Variants in RAB38 observed in about 807,000 individuals in gnomAD.
RAB38 encodes the protein ras-related protein Rab-38.
RAB38 carries 15 observed loss-of-function variants against 18.4 expected under a neutral mutation model. The observed-to-expected ratio is 0.82, with a 90% confidence interval of 0.55 to 1.26. RAB38 has a LOEUF of 1.26. RAB38 is among the 50% of genes most tolerant of loss of function. RAB38 has a pLI of 0.00. For missense variants in RAB38, 294 were observed against 267.4 expected (o/e 1.10, Z -0.69); for synonymous variants, 101 against 104.4 (o/e 0.97, Z 0.20).
chr11:87,872,877 C>T, the RAB38 span, among the ~76,000 whole-genome samples: 1 of 151,560 alleles, frequency 6.6e-6, no homozygotes, highest in Non-Finnish European at 1.5e-5. Context: ...GTATTGTTTA[C>T]TTCCAAGTTT....
At chr11:88,027,862 T>C in the RAB38 span, among the ~76,000 whole-genome samples, 2 of 151,950 alleles carry the variant, frequency 1.3e-5, no homozygotes, top group African/African-American at 2.4e-5. Flanking sequence ...TCTGACAGCT[T>C]TGAAGAGAGC....
the RAB38 span, among the ~76,000 whole-genome samples, chr11:87,830,609 A>G: frequency 6.6e-6 from 1 of 152,128 alleles, no homozygotes; most frequent in African/African-American, 2.4e-5. Context: ...AATGAAGTAA[A>G]CTATTATAAC....
intron 2 of RAB38, among the ~76,000 whole-genome samples, chr11:88,135,763 C>G (rs748159653): frequency 2.6e-5 from 4 of 152,154 alleles, no homozygotes; most frequent in Non-Finnish European, 4.4e-5. Context: ...CCATAACGAG[C>G]CTTTTGCGAT....
At chr11:88,043,378 G>A in the RAB38 span, among the ~76,000 whole-genome samples, 1 of 152,152 alleles carries the variant, frequency 6.6e-6, no homozygotes, top group South Asian at 2.1e-4. Flanking sequence ...TGGAGGCAGG[G>A]AAGGAGATAG....
At chr11:88,043,078 C>G in the RAB38 span, among the ~76,000 whole-genome samples, 2 of 152,024 alleles carry the variant, frequency 1.3e-5, no homozygotes, top group Admixed American at 6.5e-5. Flanking sequence ...GCAAACGTAA[C>G]AAGTATGAGA....
chr11:88,026,120 A>G, the RAB38 span, among the ~76,000 whole-genome samples: 1 of 151,850 alleles, frequency 6.6e-6, no homozygotes, highest in Admixed American at 6.6e-5. Flanking sequence ...ACGCACCACC[A>G]CGTCTGGCTA....
At chr11:88,103,571 A>T in the RAB38 span, among the ~76,000 whole-genome samples, 2 of 152,110 alleles carry the variant, frequency 1.3e-5, no homozygotes, top group Admixed American at 6.6e-5. Flanking sequence ...GAGTCACCTG[A>T]CTAGCACCAG....
chr11:87,925,988 A>C, the RAB38 span, among the ~76,000 whole-genome samples: 2 of 151,906 alleles, frequency 1.3e-5, no homozygotes, highest in African/African-American at 4.8e-5. Flanking sequence ...GCAGGAGAGG[A>C]TGGTTCATGT....
the RAB38 span, among the ~76,000 whole-genome samples, chr11:88,038,188 A>C: frequency 6.6e-6 from 1 of 152,176 alleles, no homozygotes; most frequent in African/African-American, 2.4e-5. Flanking sequence ...AACCAGCATG[A>C]GCTGGGGTTT....
chr11:87,827,768 A>G, the RAB38 span, among the ~76,000 whole-genome samples: 2 of 152,186 alleles, frequency 1.3e-5, no homozygotes, highest in Non-Finnish European at 2.9e-5. Flanking sequence ...TCATCAGCAC[A>G]CTGAATTTAT....
chr11:87,900,661 TAGG>T, the RAB38 span, among the ~76,000 whole-genome samples: 7 of 131,304 alleles, frequency 5.3e-5, no homozygotes, highest in South Asian at 1.8e-3. Flanking sequence ...GAAAGAAAGG[TAGG>T]AAGGAAGGAA....
chr11:88,128,975 G>C (rs901089761), intron 2 of RAB38, among the ~76,000 whole-genome samples: 5 of 152,166 alleles, frequency 3.3e-5, no homozygotes, highest in African/African-American at 1.2e-4. Flanking sequence ...CAATGATTTT[G>C]AATCTGGAAA....
chr11:88,140,682 C>G (rs1230804363), intron 2 of RAB38, among the ~76,000 whole-genome samples: 2 of 152,060 alleles, frequency 1.3e-5, no homozygotes, highest in African/African-American at 4.8e-5. Context: ...GGGGAAATAC[C>G]AAGGTGTGAT....
rs577338553 is a variant in RAB38, at chr11:88,147,884, C to T, written c.483+1791G>A. On this transcript the variant is annotated intron_variant, in intron 2 of 2. Coordinates refer to ENST00000243662, the MANE Select transcript of RAB38 (RefSeq NM_022337.3). Reference sequence around the variant, plus strand: ...CTCCAGCCTGGGTGACAGAGCGAGACTCTGTCTCAAAAAAACAAACAAACA... The same window carrying T: ...CTCCAGCCTGGGTGACAGAGCGAGATTCTGTCTCAAAAAAACAAACAAACA... 3.3e-5 allele frequency among the ~76,000 whole-genome samples: 5 copies of T among 152,078 alleles called. No individual in the cohort carries two copies. In the South Asian group the frequency reaches 1.0e-3, roughly 32 times the overall value.
At chr11:87,824,884 C>A in the RAB38 span, among the ~76,000 whole-genome samples, 1 of 152,080 alleles carries the variant, frequency 6.6e-6, no homozygotes, top group Non-Finnish European at 1.5e-5. Context: ...AAGAGCCTAT[C>A]AAGTACCTAA....
the RAB38 span, among the ~76,000 whole-genome samples, chr11:88,039,273 A>C: frequency 6.6e-6 from 1 of 152,176 alleles, no homozygotes; most frequent in African/African-American, 2.4e-5. Flanking sequence ...AGTTTTGATC[A>C]TGTGAGTCTT....
At chr11:87,929,339 T>C in the RAB38 span, among the ~76,000 whole-genome samples, 2 of 151,980 alleles carry the variant, frequency 1.3e-5, no homozygotes, top group Admixed American at 6.6e-5. Flanking sequence ...TTCATGTACA[T>C]ATGTTTATCT....
At chr11:88,145,361 C>A (rs1337008496) in intron 2 of RAB38, among the ~76,000 whole-genome samples, 1 of 152,076 alleles carries the variant, frequency 6.6e-6, no homozygotes, top group Non-Finnish European at 1.5e-5. Flanking sequence ...GTTGGCCAGG[C>A]TGGTCTCGAA....
the RAB38 span, among the ~76,000 whole-genome samples, chr11:87,830,574 C>G: frequency 6.6e-6 from 1 of 151,860 alleles, no homozygotes; most frequent in African/African-American, 2.4e-5. Context: ...CATGAATTAC[C>G]TTATTTTATT....
Sources: allele counts gnomAD v4.1 joint callset (sites outside exome capture counted in the v4.1 genomes callset), GRCh38; gene constraint gnomAD v4.1.1; transcripts MANE v1.5; gene names NCBI Gene and HGNC (gene_info 2026-07-23, HGNC 2026-07-21).